USP36: variants seen among roughly 807,000 people sequenced by gnomAD.
USP36 encodes ubiquitin carboxyl-terminal hydrolase 36.
Under a neutral mutation model 111.5 loss-of-function variants are expected in USP36, and 59 were observed. The observed-to-expected ratio is 0.53, with a 90% CI of 0.43 to 0.66. USP36 has a LOEUF of 0.66. Among genes scored for constraint, USP36 ranks in the 30% least tolerant of loss-of-function variants. The pLI is 0.00. For missense variants in USP36, 1,488 were observed against 1,468.0 expected (o/e 1.01, Z -0.22); for synonymous variants, 628 against 581.0 (o/e 1.08, Z -1.16).
intron 4 of USP36, among the ~76,000 whole-genome samples, chr17:78,831,630 A>T (rs1248145338): frequency 1.3e-5 from 2 of 152,068 alleles, no homozygotes; most frequent in Non-Finnish European, 2.9e-5. Context: ...GTAGAAATTA[A>T]GCCTCTAATC....
chr17:78,799,894 T>C (rs2093698221), intron 17 of USP36, 126 bp from the exon 18 acceptor site: 2 of 646,010 alleles, frequency 3.1e-6, no homozygotes, highest in Non-Finnish European at 4.8e-6. Flanking sequence ...TTTTTTTTTT[T>C]TTTTTTTTTT....
intron 10 of USP36, among the ~76,000 whole-genome samples, chr17:78,815,537 A>C (rs1424674420): frequency 6.6e-6 from 1 of 152,192 alleles, no homozygotes; most frequent in Admixed American, 6.5e-5. Context: ...CCTCCACTTT[A>C]CAGGAACATT....
rs2093671982 is a variant in USP36 at position 78,798,691 on chromosome 17, G to C, written c.3241-140C>G. 1 of 1,389,130 alleles carries C rather than the reference G, an allele frequency of 7.2e-7. No individual in the cohort carries two copies. 86.1% of individuals were successfully genotyped at this position (1,389,130 alleles called of 1,614,324 possible). On this transcript the variant is annotated intron_variant, in intron 19 of 20. Coordinates refer to ENST00000449938, the MANE Select transcript of USP36 (RefSeq NM_001385174.1). The surrounding 1 kb of genome is among the most constrained non-coding windows in gnomAD (Gnocchi z 5.1). The stretch of plus-strand genomic sequence containing the variant: ...AGACCCACTCTTCACAATGACCCCT[G>C]TGCACGGCGACCTGCAGTCCCCCTA...
intron 10 of USP36, among the ~76,000 whole-genome samples, chr17:78,816,158 A>ATT (rs200263600): frequency 3.5e-5 from 5 of 143,338 alleles, no homozygotes; most frequent in African/African-American, 5.1e-5. Flanking sequence ...CATACGCATA[A>ATT]TTTTTTTTTT....
chr17:78,818,834 T>C (rs193176907), intron 9 of USP36, 56 bp from the exon 10 acceptor site: 2 of 1,592,136 alleles, frequency 1.3e-6, no homozygotes, highest in East Asian at 2.2e-5. Flanking sequence ...CTCTGAAAAA[T>C]GTTGTCTTAA....
intron 7 of USP36, 144 bp from the exon 8 acceptor site, chr17:78,821,205 T>C (rs2094310184): frequency 5.8e-6 from 4 of 691,756 alleles, no homozygotes; most frequent in South Asian, 3.8e-5. Flanking sequence ...AGCATCCTGG[T>C]GTCCGAACAG....
chr17:78,830,113 T>C (rs2067951995), intron 4 of USP36, among the ~76,000 whole-genome samples: 1 of 152,110 alleles, frequency 6.6e-6, no homozygotes, highest in Non-Finnish European at 1.5e-5. Context: ...CTCCCCTCAA[T>C]CTCTCTCAAC....
At chr17:78,819,532 T>G (rs1321201070) in intron 9 of USP36, among the ~76,000 whole-genome samples, 1 of 152,260 alleles carries the variant, frequency 6.6e-6, no homozygotes, top group African/African-American at 2.4e-5. Context: ...AGCAGCTGGT[T>G]GGGCACAGTC....
At chr17:78,788,755 A>G (rs1019479505) in intron 3 of USP36, among the ~76,000 whole-genome samples, 5 of 152,168 alleles carry the variant, frequency 3.3e-5, no homozygotes, top group African/African-American at 1.2e-4. Context: ...CCAGGACATC[A>G]TCTACGGCCT....
downstream of USP36, among the ~76,000 whole-genome samples, chr17:78,794,782 C>A (rs1311565500): frequency 2.0e-5 from 3 of 151,872 alleles, no homozygotes; most frequent in Admixed American, 1.3e-4. Context: ...CTGAGGCAAG[C>A]GGATCACAAG....
intron 4 of USP36, 126 bp from the exon 5 acceptor site, chr17:78,829,133 G>A: frequency 2.8e-6 from 2 of 709,546 alleles, no homozygotes; most frequent in Non-Finnish European, 4.6e-6. Context: ...GGCTGTGAGA[G>A]AACGGCTGAG....
At chr17:78,805,850 C>A (rs896092552) in intron 15 of USP36, among the ~76,000 whole-genome samples, 1 of 152,208 alleles carries the variant, frequency 6.6e-6, no homozygotes, top group African/African-American at 2.4e-5. Flanking sequence ...GGTAGGGATA[C>A]AGGACAGGTC....
intron 3 of USP36, 60 bp from the exon 4 acceptor site, chr17:78,835,561 C>G (rs2068586511): frequency 1.3e-6 from 2 of 1,514,474 alleles, no homozygotes; most frequent in African/African-American, 2.8e-5. Context: ...CACAGGTCGT[C>G]CACAAAAAGA....
At chr17:78,823,311 T>C in intron 6 of USP36, 1 of 397,338 alleles carries the variant, frequency 2.5e-6, no homozygotes. Context: ...TGTGGGTAGC[T>C]GCGTGTGATG....
In USP36 at chr17:78,803,335, C is replaced by A. The variant is rs1166780813; in HGVS notation, c.2810+50G>T. On this transcript the variant is annotated intron_variant, in intron 16 of 20. Coordinates refer to ENST00000449938, the MANE Select transcript of USP36 (RefSeq NM_001385174.1). The surrounding 1 kb of genome is among the most constrained non-coding windows in gnomAD (Gnocchi z 4.6). ...CTTGGGGGTAGATTCTGTGGTTTTG[C>A]TTTGTTTCTCGTCAGAGGTAGACAG... 6.4e-7 allele frequency: 1 copy of A among 1,561,948 alleles called. No homozygotes were observed.
Position 78,838,617 on chromosome 17 carries a change from TACTGCGGCATGGA to T in USP36, c.-53_-41del, listed in dbSNP as rs2068939240. ...ATGTGCAGACTTGGGCCTGCTGTCC[TACTGCGGCATGGA>T]ACCAGGATCTTAACGGAGGGCTGAG... On this transcript the variant is annotated 5_prime_UTR_variant, in exon 2 of 21. The change abolishes an upstream ATG in the 5' untranslated region. Coordinates refer to ENST00000449938, the MANE Select transcript of USP36 (RefSeq NM_001385174.1). 1 of 152,252 alleles carries T rather than the reference TACTGCGGCATGGA, an allele frequency of 6.6e-6. No homozygotes were observed. Among genetic ancestry groups the T allele is most frequent in the Non-Finnish European group, 1.5e-5 (1 of 68,082 alleles). The allele number at this position is 152,252 out of a possible 1,614,324, so 9.4% of individuals were successfully genotyped here. A position where few individuals can be genotyped will look rare whatever the true frequency, so the allele number is the denominator to read the frequency against.
chr17:78,841,323 C>G (rs1437904558), upstream of USP36: 4 of 152,398 alleles, frequency 2.6e-5, no homozygotes, highest in African/African-American at 9.6e-5. Flanking sequence ...CTTAACGTCC[C>G]GGGCTCTGGG....
At chr17:78,817,627 C>T (rs572902685) in intron 10 of USP36, among the ~76,000 whole-genome samples, 3 of 151,732 alleles carry the variant, frequency 2.0e-5, no homozygotes, top group Admixed American at 1.3e-4. Context: ...TGGTGGTGGG[C>T]GCCTTAATCC....
Position 78,835,230 on chromosome 17 carries a change from T to C in USP36, c.475+50A>G, listed in dbSNP as rs138013298. 27,007 of 1,575,964 alleles carry C rather than the reference T, an allele frequency of 0.017. 398 individuals are homozygous for C. The highest frequency in any genetic ancestry group is 0.055 in the South Asian group (4,839 of 88,116). On this transcript the variant is annotated intron_variant, in intron 4 of 20. Coordinates refer to ENST00000449938, the MANE Select transcript of USP36 (RefSeq NM_001385174.1). ...GCAGTGCCACAAGTGCATGGGCTTA[T>C]CTAATCCAGAGGACCCACAGCCACC...
Sources: allele counts gnomAD v4.1 joint callset (sites outside exome capture counted in the v4.1 genomes callset), GRCh38; gene constraint gnomAD v4.1.1; non-coding constraint Gnocchi (gnomAD v3.1); transcripts MANE v1.5; gene names NCBI Gene and HGNC (gene_info 2026-07-23, HGNC 2026-07-21).